THSD7B: variants seen among roughly 807,000 people sequenced by gnomAD.
THSD7B encodes the protein thrombospondin type 1 domain containing 7B, also known as thrombospondin type-1 domain-containing protein 7B.
In THSD7B, 138 loss-of-function variants were observed where a neutral mutation model predicts 213.6. That is an observed-to-expected ratio of 0.65 (90% CI 0.56 to 0.74). The LOEUF (loss-of-function observed/expected upper bound fraction) is 0.74. Ranked by LOEUF, THSD7B falls within the 30% of genes least tolerant of loss-of-function variation. The pLI is 0.00. For synonymous variants in THSD7B, 742 were observed against 687.0 expected, an observed-to-expected ratio of 1.08 and a Z score of -1.25; for missense variants, 1,931 against 1,991.5, an observed-to-expected ratio of 0.97 and a Z score of 0.58.
chr2:137,314,065 T>C (rs1165562120), intron 12 of THSD7B, among the ~76,000 whole-genome samples: 2 of 152,046 alleles, frequency 1.3e-5, no homozygotes, highest in Admixed American at 6.5e-5. Flanking sequence ...CTTTGCTAGA[T>C]TGGGGAAGTT....
intron 17 of THSD7B, among the ~76,000 whole-genome samples, chr2:137,585,002 G>C (rs1681686193): frequency 6.6e-6 from 1 of 152,018 alleles, no homozygotes; most frequent in African/African-American, 2.4e-5. Context: ...ATTAATTATT[G>C]CCTCAATTTC....
chr2:136,843,620 C>G (rs975701499), intron 1 of THSD7B, among the ~76,000 whole-genome samples: 2 of 152,078 alleles, frequency 1.3e-5, no homozygotes, highest in Non-Finnish European at 2.9e-5. Context: ...TGTGTAGAAC[C>G]AACAGTGAGC....
At chr2:137,063,730 A>G (rs1687323803) in intron 3 of THSD7B, among the ~76,000 whole-genome samples, 1 of 152,000 alleles carries the variant, frequency 6.6e-6, no homozygotes, top group African/African-American at 2.4e-5. Flanking sequence ...CATGAGTTCA[A>G]TTGTTTTAAT....
chr2:137,370,630 G>A (rs2104948969), intron 12 of THSD7B, among the ~76,000 whole-genome samples: 1 of 151,988 alleles, frequency 6.6e-6, no homozygotes, highest in Non-Finnish European at 1.5e-5. Flanking sequence ...AACCATGCTT[G>A]GCTAATTTTT....
intron 25 of THSD7B, among the ~76,000 whole-genome samples, chr2:137,662,996 C>A (rs903385358): frequency 7.1e-6 from 1 of 141,694 alleles, no homozygotes; most frequent in Non-Finnish European, 1.5e-5. Context: ...ACCTGGGAGG[C>A]GGAGATTACA....
At chr2:136,975,042 TTG>T (rs1685458579) in intron 2 of THSD7B, among the ~76,000 whole-genome samples, 1 of 113,566 alleles carries the variant, frequency 8.8e-6, no homozygotes, top group South Asian at 3.4e-4. Flanking sequence ...TTTTAATGGT[TTG>T]TTTTTTTTTT....
chr2:136,920,463 C>T (rs1056974772), intron 2 of THSD7B, among the ~76,000 whole-genome samples: 2 of 152,122 alleles, frequency 1.3e-5, no homozygotes, highest in African/African-American at 4.8e-5. Flanking sequence ...CTGGTTGAGT[C>T]TGGGGTTTTT....
intron 15 of THSD7B, among the ~76,000 whole-genome samples, chr2:137,506,117 G>C (rs1203213849): frequency 2.0e-5 from 3 of 152,128 alleles, no homozygotes; most frequent in African/African-American, 7.2e-5. Flanking sequence ...GGAGACAGGA[G>C]GCCAAGGCAA....
intron 13 of THSD7B, among the ~76,000 whole-genome samples, chr2:137,408,261 T>C (rs1319922699): frequency 6.6e-6 from 1 of 152,220 alleles, no homozygotes; most frequent in East Asian, 1.9e-4. Context: ...GGTCACCTTG[T>C]AGATGAACAT....
intron 2 of THSD7B, among the ~76,000 whole-genome samples, chr2:136,976,734 G>T (rs1685488103): frequency 6.6e-6 from 1 of 151,746 alleles, no homozygotes; most frequent in African/African-American, 2.4e-5. Context: ...CCATTCTCCT[G>T]CCTCAGCCTC....
intron 1 of THSD7B, among the ~76,000 whole-genome samples, chr2:136,860,995 C>T (rs900511034): frequency 2.0e-5 from 3 of 152,226 alleles, no homozygotes; most frequent in Non-Finnish European, 4.4e-5. Context: ...CAGATAGCTG[C>T]GTAGCTCACT....
intron 17 of THSD7B, among the ~76,000 whole-genome samples, chr2:137,576,890 C>A (rs997448367): frequency 6.6e-6 from 1 of 150,658 alleles, no homozygotes; most frequent in Non-Finnish European, 1.5e-5. Flanking sequence ...ATTTTCAGCA[C>A]CTTGGCATCA....
intron 7 of THSD7B, among the ~76,000 whole-genome samples, chr2:137,194,707 C>T (rs1680725429): frequency 6.6e-6 from 1 of 152,040 alleles, no homozygotes; most frequent in African/African-American, 2.4e-5. Flanking sequence ...AATGTTTTCT[C>T]TCTTTGTATC....
At chr2:137,340,871 G>A (rs1684746197) in intron 12 of THSD7B, among the ~76,000 whole-genome samples, 2 of 151,600 alleles carry the variant, frequency 1.3e-5, no homozygotes, top group Admixed American at 1.3e-4. Context: ...ATTGTGAACA[G>A]TACTGCAATG....
At chr2:136,865,627 A>G (rs1412662607) in intron 1 of THSD7B, among the ~76,000 whole-genome samples, 1 of 152,186 alleles carries the variant, frequency 6.6e-6, no homozygotes, top group African/African-American at 2.4e-5. Flanking sequence ...CTTCTTGTCC[A>G]TGTGAGTTAG....
chr2:137,375,488 G>A (rs192041901), intron 12 of THSD7B, among the ~76,000 whole-genome samples: 37 of 152,178 alleles, frequency 2.4e-4, no homozygotes, highest in South Asian at 2.1e-3. Flanking sequence ...CATGTTTCTC[G>A]CATGCAACTT....
intron 2 of THSD7B, among the ~76,000 whole-genome samples, chr2:137,009,373 G>A (rs1025939134): frequency 6.6e-6 from 1 of 152,098 alleles, no homozygotes; most frequent in African/African-American, 2.4e-5. Flanking sequence ...TCTTTGTGGT[G>A]GAAAACTGTT....
chr2:136,924,906 A>T (rs1309235859), intron 2 of THSD7B, among the ~76,000 whole-genome samples: 1 of 151,874 alleles, frequency 6.6e-6, no homozygotes, highest in Non-Finnish European at 1.5e-5. Context: ...TTTATTCCTA[A>T]GTCTTTTATC....
chr2:137,654,766 G>A (rs1683204710), intron 21 of THSD7B, among the ~76,000 whole-genome samples: 1 of 152,130 alleles, frequency 6.6e-6, no homozygotes, highest in African/African-American at 2.4e-5. Context: ...TCTGTGGGGG[G>A]CTGGAGGAAG....
Sources: allele counts gnomAD v4.1 joint callset (sites outside exome capture counted in the v4.1 genomes callset), GRCh38; gene constraint gnomAD v4.1.1; transcripts MANE v1.5; gene names NCBI Gene and HGNC (gene_info 2026-07-23, HGNC 2026-07-21).